The following CNTRL variants were observed in gnomAD, a reference collection of about 807,000 sequenced individuals.
CNTRL encodes 110 kDa centrosomal protein.
CNTRL carries 233 observed loss-of-function variants against 303.7 expected under a neutral mutation model. That is an observed-to-expected ratio of 0.77 (90% confidence interval 0.69 to 0.86). The LOEUF (loss-of-function observed/expected upper bound fraction) is 0.86. Ranked by LOEUF, CNTRL falls within the 40% of genes least tolerant of loss-of-function variation. The pLI, the probability that CNTRL is intolerant of heterozygous loss-of-function variation, is 0.00. For synonymous variants in CNTRL, 900 were observed against 922.2 expected (o/e 0.98, Z 0.44); for missense variants, 2,524 against 2,650.6 (o/e 0.95, Z 1.05).
chr9:121,139,609 A>T (rs531862358), intron 16 of CNTRL, among the ~76,000 whole-genome samples: 1 of 152,198 alleles, frequency 6.6e-6, no homozygotes, highest in South Asian at 2.1e-4. Flanking sequence ...TTCCATTACT[A>T]TGTGAGGTGT....
rs1201830022 is a variant in CNTRL, at chr9:121,113,569, T to C, written c.1190T>C (p.Met397Thr). Residue 397 changes from methionine to threonine, a missense_variant, in exon 10 of 44, where the codon ATG (methionine) becomes ACG (threonine). Coordinates refer to ENST00000373855, the MANE Select transcript of CNTRL (RefSeq NM_007018.6). ...GGCAAATCCAGATACAAGAGAAATA[T>C]GTTTGCCACAGAGAGTTATATTATT... ...YIGKSRYKRN[M>T]FATESYIIDS... 2 of 1,608,040 alleles carry C rather than the reference T, an allele frequency of 1.2e-6. No individual in the cohort carries two copies. Among genetic ancestry groups the C allele is most frequent in the South Asian group, 1.1e-5 (1 of 89,636 alleles).
chr9:121,138,437 A>G (rs1212611550), intron 15 of CNTRL, 108 bp from the exon 16 acceptor site: 3 of 1,161,052 alleles, frequency 2.6e-6, no homozygotes, highest in Non-Finnish European at 2.4e-6. Context: ...GAGTTGTAAA[A>G]CTATAGCTAG....
Position 121,150,397 on chromosome 9 carries a change from G to C in CNTRL, c.3877G>C (p.Val1293Leu), listed in dbSNP as rs772493637. The C allele has an allele frequency of 1.9e-5, 30 of 1,614,012 alleles. No individual in the cohort carries two copies. The highest frequency in any genetic ancestry group is 2.3e-5 in the Non-Finnish European group (27 of 1,180,024). Reference sequence around the variant, plus strand: ...CCCACCTCCTGCTGGGGCCCCCATGGTGTATGGGCCTCCACCCCCCAACTT... The same window carrying C: ...CCCACCTCCTGCTGGGGCCCCCATGCTGTATGGGCCTCCACCCCCCAACTT... ...YGPPPAGAPM[V>L]YGPPPPNFSI... The change falls in exon 25 of 44, where the codon GTG becomes CTG. Residue 1293 changes from valine (V) to leucine (L), a missense_variant. Physicochemically the swap from Val to Leu is conservative, Grantham distance 32 (BLOSUM62 1). Coordinates refer to ENST00000373855, the MANE Select transcript of CNTRL (RefSeq NM_007018.6).
intron 12 of CNTRL, among the ~76,000 whole-genome samples, chr9:121,119,080 ATGTGTGTGTG>A (rs3047904): frequency 4.0e-5 from 6 of 148,546 alleles, no homozygotes; most frequent in African/African-American, 1.2e-4. Flanking sequence ...ACATAAATAT[ATGTGTGTGTG>A]TGTGTGTGTG....
chr9:121,099,036 C>T (rs754397884), intron 7 of CNTRL, among the ~76,000 whole-genome samples: 2 of 152,138 alleles, frequency 1.3e-5, no homozygotes, highest in African/African-American at 2.4e-5. Context: ...TAGAGTTAAA[C>T]GTCCCTGACT....
intron 15 of CNTRL, among the ~76,000 whole-genome samples, chr9:121,137,063 G>A (rs545772340): frequency 2.0e-5 from 3 of 152,262 alleles, no homozygotes; most frequent in East Asian, 3.9e-4. Flanking sequence ...AGTGCTGAAC[G>A]TATGCCTCCA....
At position 121,089,366 on chromosome 9, in the gene CNTRL, G is replaced by A. The variant is rs1193398045; in HGVS notation, c.217+823G>A. On this transcript the variant is annotated intron_variant, in intron 3 of 43. Coordinates refer to ENST00000373855, the MANE Select transcript of CNTRL (RefSeq NM_007018.6). The stretch of plus-strand genomic sequence containing the variant: ...AATCTTAGAGAATCTTTGGCTCACA[G>A]CCTGGATCTCAACCCAGGATTAATT... Among the ~76,000 whole-genome samples, 3 of 152,160 alleles carry A rather than the reference G, an allele frequency of 2.0e-5. No individual in the cohort carries two copies. In the East Asian group the frequency reaches 5.8e-4, roughly 29 times the overall value.
intron 8 of CNTRL, among the ~76,000 whole-genome samples, chr9:121,108,606 A>G (rs7036649): frequency 0.7 from 105,840 of 151,746 alleles, 37,385 homozygotes; most frequent in East Asian, 0.96. Context: ...GCTCTTCTCT[A>G]TGTCATTATG....
At chr9:121,173,835 C>T in intron 42 of CNTRL, 98 bp downstream of exon 42, 1 of 1,140,756 alleles carries the variant, frequency 8.8e-7, no homozygotes, top group Non-Finnish European at 1.3e-6. Flanking sequence ...CACATCCATG[C>T]TGTTGCAGCC....
intron 12 of CNTRL, chr9:121,122,061 T>A: frequency 2.8e-6 from 1 of 362,822 alleles, no homozygotes; most frequent in Non-Finnish European, 3.8e-6. Flanking sequence ...GTGGTGTAAA[T>A]CGCAGAATCT....
In CNTRL at chr9:121,162,410, C is replaced by G. The variant is rs527797253; in HGVS notation, c.5423+139C>G. ...GTATCATAATACATTTTGCCAGTTG[C>G]ATTTTTTTGGAGAATTTCCTTCTAG... On this transcript the variant is annotated intron_variant, in intron 34 of 43. Transcript: ENST00000373855. The G allele has an allele frequency of 5.7e-5, 39 of 684,566 alleles. No individual in the cohort carries two copies. In the African/African-American group the frequency reaches 6.2e-4, roughly 11 times the overall value. 42.4% of individuals were successfully genotyped at this position (684,566 alleles called of 1,614,324 possible).
At chr9:121,113,784 C>T in intron 10 of CNTRL, 60 bp downstream of exon 10, 1 of 1,167,194 alleles carries the variant, frequency 8.6e-7, no homozygotes, top group Non-Finnish European at 1.1e-6. Flanking sequence ...AATATGTAGG[C>T]CAATTTTGTT....
At position 121,157,483 on chromosome 9, in the gene CNTRL, T is replaced by G. The variant is rs2052630136; in HGVS notation, c.4379T>G (p.Val1460Gly). The change falls in exon 28 of 44, where the codon GTT becomes GGT. Residue 1460 changes from valine to glycine, a missense_variant. Physicochemically the swap from Val to Gly is moderately radical, Grantham distance 109. Coordinates refer to ENST00000373855, the MANE Select transcript of CNTRL (RefSeq NM_007018.6). Reference sequence around the variant, plus strand: ...TTTCTTTTCTAGACAAAAAATGCTGTTGAAAAGTTCACTGATGCCAAGAGA... The same window carrying G: ...TTTCTTTTCTAGACAAAAAATGCTGGTGAAAAGTTCACTGATGCCAAGAGA... The part of the protein sequence containing the change: ...SCTKEKTKNA[V>G]EKFTDAKRSL... 1 of 1,613,722 alleles carries G rather than the reference T, an allele frequency of 6.2e-7. No homozygotes were observed. The highest frequency in any genetic ancestry group is 2.2e-5 in the East Asian group (1 of 44,864).
At chr9:121,152,286 G>A in intron 25 of CNTRL, 199 bp from the exon 26 acceptor site, 1 of 563,550 alleles carries the variant, frequency 1.8e-6, no homozygotes, top group South Asian at 2.1e-5. Flanking sequence ...TAGTTGGACT[G>A]TTTGAAAAAT....
At chr9:121,171,949 G>C (rs994919668) in intron 40 of CNTRL, among the ~76,000 whole-genome samples, 6 of 152,182 alleles carry the variant, frequency 3.9e-5, no homozygotes, top group Admixed American at 3.9e-4. Flanking sequence ...TAGCCAGGCA[G>C]AGAGTATTAA....
In CNTRL at chr9:121,120,565, T is replaced by A. The variant is rs2050181460; in HGVS notation, c.1650+2025T>A. ...CAACCAGCCCTATGTTTATGAATGC[T>A]TGCATTGTGGAAGGGAGGAAGGAAG... On this transcript the variant is annotated intron_variant, in intron 12 of 43. Transcript: ENST00000373855. Among the ~76,000 whole-genome samples, 3 of 152,216 alleles carry A rather than the reference T, an allele frequency of 2.0e-5. No homozygotes were observed. In the South Asian group the frequency reaches 6.2e-4, roughly 31 times the overall value.
Position 121,175,129 on chromosome 9 carries a change from T to C in CNTRL, c.6859T>C (p.Leu2287=). Residue 2287 remains leucine, a synonymous_variant, in exon 43 of 44, where the codon TTG becomes CTG. Coordinates refer to ENST00000373855, the MANE Select transcript of CNTRL (RefSeq NM_007018.6). ...GAGACAAGTAGATGCTTTAGGGGAA[T>C]TGGTCACCAGCACCTCTGCAGATTC... ...LRRQVDALGE[L]VTSTSADSAS... 13 of 1,614,070 alleles carry C rather than the reference T, an allele frequency of 8.1e-6. No homozygotes were observed. Among genetic ancestry groups the C allele is most frequent in the Non-Finnish European group, 1.1e-5 (13 of 1,180,012 alleles).
chr9:121,123,308 G>C (rs1588164685), intron 12 of CNTRL, among the ~76,000 whole-genome samples: 1 of 152,082 alleles, frequency 6.6e-6, no homozygotes, highest in Non-Finnish European at 1.5e-5. Flanking sequence ...GGCTGGGCAC[G>C]GTGGCTCATG....
chr9:121,124,958 AAG>A (rs1205334744), intron 13 of CNTRL, among the ~76,000 whole-genome samples: 8 of 150,358 alleles, frequency 5.3e-5, no homozygotes, highest in Non-Finnish European at 1.2e-4. Flanking sequence ...AAAAAAAAAA[AAG>A]AGAGAGATAG....
Sources: allele counts gnomAD v4.1 joint callset (sites outside exome capture counted in the v4.1 genomes callset), GRCh38; gene constraint gnomAD v4.1.1; transcripts MANE v1.5; gene names NCBI Gene and HGNC (gene_info 2026-07-23, HGNC 2026-07-21).